SNTG1: variants seen among roughly 807,000 people sequenced by gnomAD.
SNTG1 encodes the protein gamma-1-syntrophin.
Under a neutral mutation model 74.7 loss-of-function variants are expected in SNTG1, and 39 were observed. That is an observed-to-expected ratio of 0.52 (90% CI 0.40 to 0.68). SNTG1 has a LOEUF of 0.68. Among genes scored for constraint, SNTG1 ranks in the 30% least tolerant of loss-of-function variants. SNTG1 has a pLI of 0.00. For synonymous variants in SNTG1, 254 were observed against 217.1 expected (o/e 1.17, Z -1.49); for missense variants, 685 against 609.5 (o/e 1.12, Z -1.30).
chr8:50,521,096 A>T (rs898779048), intron 9 of SNTG1, among the ~76,000 whole-genome samples: 6 of 152,336 alleles, frequency 3.9e-5, no homozygotes, highest in Admixed American at 1.3e-4. Flanking sequence ...GCAGCTATAA[A>T]AAATGAGTTC....
intron 1 of SNTG1, chr8:50,164,341 G>C (rs1052590193): frequency 6.6e-6 from 1 of 151,964 alleles, no homozygotes; most frequent in Non-Finnish European, 1.5e-5. Flanking sequence ...TTCTGAAAGG[G>C]GACTGCTTTT....
At chr8:50,081,253 C>T (rs922123913) in intron 1 of SNTG1, among the ~76,000 whole-genome samples, 1 of 140,988 alleles carries the variant, frequency 7.1e-6, no homozygotes, top group Non-Finnish European at 1.5e-5. Context: ...CAAATATTTT[C>T]TGCCATAATT....
At chr8:50,678,003 T>G (rs2095315851) in intron 15 of SNTG1, among the ~76,000 whole-genome samples, 1 of 151,678 alleles carries the variant, frequency 6.6e-6, no homozygotes. Flanking sequence ...GGGAGGGAAT[T>G]TAGTGGACTG....
At chr8:50,263,173 T>C (rs1293621522) in intron 2 of SNTG1, among the ~76,000 whole-genome samples, 1 of 152,160 alleles carries the variant, frequency 6.6e-6, no homozygotes, top group Admixed American at 6.6e-5. Context: ...GTGGGAGATA[T>C]TGATAAGGGG....
At chr8:49,914,093 A>G (rs73584773) in intron 1 of SNTG1, among the ~76,000 whole-genome samples, 1,674 of 152,258 alleles carry the variant, frequency 0.011, 33 homozygotes, top group African/African-American at 0.037. Flanking sequence ...TTACATTGAG[A>G]TAGAGTTTGG....
intron 1 of SNTG1, among the ~76,000 whole-genome samples, chr8:50,097,046 T>A (rs2079954262): frequency 6.6e-6 from 1 of 152,066 alleles, no homozygotes; most frequent in Non-Finnish European, 1.5e-5. Flanking sequence ...CTCTGCTTAC[T>A]GTAAGCTCCA....
intron 15 of SNTG1, among the ~76,000 whole-genome samples, chr8:50,678,166 T>A (rs973029582): frequency 1.4e-5 from 2 of 140,234 alleles, no homozygotes; most frequent in African/African-American, 6.0e-5. Flanking sequence ...ATTTGTGCTA[T>A]TTTTTTTTTA....
intron 4 of SNTG1, among the ~76,000 whole-genome samples, chr8:50,414,059 C>T (rs2092984850): frequency 6.6e-6 from 1 of 152,158 alleles, no homozygotes; most frequent in Non-Finnish European, 1.5e-5. Flanking sequence ...AGATCTGACT[C>T]TGTTATCTGT....
intron 2 of SNTG1, among the ~76,000 whole-genome samples, chr8:50,214,515 A>G (rs926243594): frequency 6.6e-6 from 1 of 152,108 alleles, no homozygotes; most frequent in Admixed American, 6.6e-5. Context: ...TTTGGACTGG[A>G]TGATACAACA....
At chr8:50,047,408 AC>A (rs1189281315) in intron 1 of SNTG1, among the ~76,000 whole-genome samples, 1 of 151,892 alleles carries the variant, frequency 6.6e-6, no homozygotes, top group Non-Finnish European at 1.5e-5. Context: ...GACCTACTTA[AC>A]ATTTATAAAC....
intron 1 of SNTG1, among the ~76,000 whole-genome samples, chr8:50,004,168 A>G (rs984530460): frequency 2.6e-5 from 4 of 152,170 alleles, no homozygotes; most frequent in African/African-American, 9.6e-5. Flanking sequence ...GAAAACGTAC[A>G]CAAACCTTTA....
chr8:50,711,987 T>C (rs1156326197), intron 17 of SNTG1, among the ~76,000 whole-genome samples: 1 of 152,208 alleles, frequency 6.6e-6, no homozygotes, highest in Non-Finnish European at 1.5e-5. Flanking sequence ...TTGTTGCCAT[T>C]ATATTCTTTT....
intron 1 of SNTG1, among the ~76,000 whole-genome samples, chr8:50,103,675 C>T (rs1435155837): frequency 3.3e-5 from 5 of 152,278 alleles, no homozygotes; most frequent in African/African-American, 1.2e-4. Flanking sequence ...TTTCCCCATT[C>T]AGAATGATAT....
At chr8:50,118,288 C>A (rs2080890006) in intron 1 of SNTG1, among the ~76,000 whole-genome samples, 1 of 150,520 alleles carries the variant, frequency 6.6e-6, no homozygotes, top group Non-Finnish European at 1.5e-5. Context: ...AGCAACAGTT[C>A]ATTTTTCCCC....
chr8:50,140,294 A>C (rs2081613449), intron 1 of SNTG1, among the ~76,000 whole-genome samples: 1 of 152,164 alleles, frequency 6.6e-6, no homozygotes, highest in South Asian at 2.1e-4. Flanking sequence ...ATGGCATTGC[A>C]TCTTTCCAGT....
intron 1 of SNTG1, among the ~76,000 whole-genome samples, chr8:49,972,432 A>T (rs983147973): frequency 5.3e-5 from 8 of 152,192 alleles, no homozygotes; most frequent in South Asian, 2.1e-4. Flanking sequence ...AACCTAGGCA[A>T]TACCATTCAG....
intron 1 of SNTG1, among the ~76,000 whole-genome samples, chr8:50,064,799 T>C (rs1820770497): frequency 6.6e-6 from 1 of 152,178 alleles, no homozygotes; most frequent in Non-Finnish European, 1.5e-5. Context: ...GCTCCCCTGC[T>C]AGCTTCTCAA....
At chr8:50,489,537 C>G (rs2093831128) in intron 8 of SNTG1, among the ~76,000 whole-genome samples, 2 of 152,294 alleles carry the variant, frequency 1.3e-5, no homozygotes, top group South Asian at 4.1e-4. Flanking sequence ...TGATGATGAG[C>G]TTTTCTCATA....
At chr8:50,610,966 T>C (rs2094845501) in intron 13 of SNTG1, among the ~76,000 whole-genome samples, 2 of 94,786 alleles carry the variant, frequency 2.1e-5, no homozygotes, top group African/African-American at 4.9e-5. Context: ...CACTGGTAGA[T>C]AAGAAATAGC....
Sources: allele counts gnomAD v4.1 joint callset (sites outside exome capture counted in the v4.1 genomes callset), GRCh38; gene constraint gnomAD v4.1.1; transcripts MANE v1.5; gene names NCBI Gene and HGNC (gene_info 2026-07-23, HGNC 2026-07-21).